HNRNPUL1: variants seen among roughly 807,000 people sequenced by gnomAD.
The protein encoded by HNRNPUL1 is heterogeneous nuclear ribonucleoprotein U-like protein 1.
Under a neutral mutation model 108.5 loss-of-function variants are expected in HNRNPUL1, and 14 were observed. That is an observed-to-expected ratio of 0.13 (90% CI 0.09 to 0.20). The LOEUF (loss-of-function observed/expected upper bound fraction) is 0.20. Among genes scored for constraint, HNRNPUL1 ranks in the 10% least tolerant of loss-of-function variants. The pLI is 1.00. For synonymous variants in HNRNPUL1, 422 were observed against 445.2 expected, an observed-to-expected ratio of 0.95 and a Z score of 0.66; for missense variants, 804 against 1,168.3, an observed-to-expected ratio of 0.69 and a Z score of 4.55.
At chr19:41,302,624 C>G in intron 11 of HNRNPUL1, 41 bp from the exon 12 acceptor site, 6 of 1,613,124 alleles carry the variant, frequency 3.7e-6, no homozygotes, top group Non-Finnish European at 4.2e-6. Flanking sequence ...AGGTACTGAC[C>G]TCTTCTTCTT....
chr19:41,263,295 C>T (rs566024730), upstream of HNRNPUL1, among the ~76,000 whole-genome samples: 3 of 152,190 alleles, frequency 2.0e-5, no homozygotes, highest in Admixed American at 6.5e-5. Flanking sequence ...AGCTCTGTGG[C>T]TTTTGTATTC....
chr19:41,294,763 C>A lies in HNRNPUL1; in HGVS notation c.1518+77C>A. 5.1e-6 allele frequency: 8 copies of A among 1,563,174 alleles called. No individual in the cohort carries two copies. In the Admixed American group the frequency reaches 1.3e-4, roughly 26 times the overall value. ...ATGCCTGAGAATCTCCCTCTGGTCC[C>A]TTTCTTTTTTCCCCCGTAATGATGA... On this transcript the variant is annotated intron_variant, in intron 10 of 14. Transcript: ENST00000392006. The surrounding 1 kb of genome is among the most constrained non-coding windows in gnomAD (Gnocchi z 4.3).
chr19:41,295,942 G>C (rs191290951), intron 10 of HNRNPUL1, among the ~76,000 whole-genome samples: 1 of 152,284 alleles, frequency 6.6e-6, no homozygotes, highest in South Asian at 2.1e-4. Flanking sequence ...TGTTCTCTCC[G>C]CTTTGAAGAT....
chr19:41,303,025 A>C lies in HNRNPUL1; in HGVS notation c.1972+76A>C. On this transcript the variant is annotated intron_variant, in intron 12 of 14. Transcript: ENST00000392006. ...CTGGGCTTTGACTGCTTATTCAATC[A>C]GCAACTGAAGTTTTCTGAGCTCCAG... The C allele has an allele frequency of 5.5e-6, 8 of 1,448,562 alleles. No individual in the cohort carries two copies. In the South Asian group the frequency reaches 1.2e-4, roughly 22 times the overall value. The allele number at this position is 1,448,562 out of a possible 1,614,324, so 89.7% of individuals were successfully genotyped here.
At chr19:41,305,972 T>G (rs2037521895) in intron 14 of HNRNPUL1, 105 bp downstream of exon 14, 1 of 791,070 alleles carries the variant, frequency 1.3e-6, no homozygotes, top group Non-Finnish European at 2.0e-6. Flanking sequence ...AAAGACAGCC[T>G]GCTGGCCTCG....
chr19:41,302,776 A>G lies in HNRNPUL1; in HGVS notation c.1799A>G (p.Lys600Arg). ...LVRQYNEEGR[K>R]AGPPPEKRFD... is the part of the protein sequence containing the mutation. ...AGGCAGTACAACGAGGAAGGCCGCA[A>G]GGCTGGGCCACCCCCTGAAAAGCGC... Residue 600 changes from lysine (K) to arginine (R), a missense_variant, in exon 12 of 15, where the codon AAG becomes AGG. Physicochemically the swap from Lys to Arg is conservative, Grantham distance 26. Transcript: ENST00000392006. 6.2e-7 allele frequency: 1 copy of G among 1,613,166 alleles called. No homozygotes were observed. The highest frequency in any genetic ancestry group is 8.5e-7 in the Non-Finnish European group (1 of 1,179,198).
intron 13 of HNRNPUL1, among the ~76,000 whole-genome samples, chr19:41,305,168 G>C (rs1026575408): frequency 6.6e-6 from 1 of 152,168 alleles, no homozygotes; most frequent in African/African-American, 2.4e-5. Context: ...AATGGGGCTA[G>C]TGGGACCTAC....
intron 1 of HNRNPUL1, chr19:41,265,394 G>A: frequency 3.3e-6 from 5 of 1,505,420 alleles, no homozygotes; most frequent in Non-Finnish European, 4.4e-6. Flanking sequence ...TGGCTGGGGA[G>A]GGTCCTAATG....
intron 7 of HNRNPUL1, among the ~76,000 whole-genome samples, chr19:41,282,850 C>T (rs1460408368): frequency 2.0e-5 from 3 of 151,222 alleles, no homozygotes; most frequent in Admixed American, 6.6e-5. Context: ...CCACTACGCC[C>T]GGCTAATTTT....
intron 13 of HNRNPUL1, among the ~76,000 whole-genome samples, chr19:41,305,064 G>A (rs980543217): frequency 7.2e-5 from 11 of 152,174 alleles, no homozygotes; most frequent in African/African-American, 2.7e-4. Context: ...AGGAATGGGT[G>A]GCACTATAGC....
chr19:41,269,445 A>G (rs1029317492), intron 2 of HNRNPUL1, among the ~76,000 whole-genome samples: 2 of 133,280 alleles, frequency 1.5e-5, no homozygotes, highest in African/African-American at 5.8e-5. Context: ...ACACTACTAC[A>G]CTCCAGCCTG....
intron 5 of HNRNPUL1, 125 bp from the exon 6 acceptor site, chr19:41,278,950 ACG>A (rs1185503169): frequency 6.9e-6 from 5 of 723,860 alleles, no homozygotes; most frequent in East Asian, 5.0e-5. Context: ...AGCTGCTTAA[ACG>A]CTTCTTCTCC....
intron 7 of HNRNPUL1, among the ~76,000 whole-genome samples, chr19:41,288,128 C>T (rs994123551): frequency 1.3e-5 from 2 of 148,404 alleles, no homozygotes; most frequent in East Asian, 2.0e-4. Flanking sequence ...CTTTAGACAC[C>T]CCCCCTCCCG....
intron 12 of HNRNPUL1, among the ~76,000 whole-genome samples, chr19:41,303,339 A>G (rs1438112144): frequency 6.7e-6 from 1 of 148,258 alleles, no homozygotes; most frequent in East Asian, 2.0e-4. Flanking sequence ...ACCAGTGCTT[A>G]GCTTCCTCTC....
intron 10 of HNRNPUL1, among the ~76,000 whole-genome samples, chr19:41,296,532 C>T (rs2036905725): frequency 6.6e-6 from 1 of 152,226 alleles, no homozygotes; most frequent in African/African-American, 2.4e-5. Context: ...AAGCCATAGG[C>T]TACTCAGGCT....
intron 6 of HNRNPUL1, among the ~76,000 whole-genome samples, chr19:41,280,497 G>A (rs1395532118): frequency 1.3e-5 from 2 of 152,130 alleles, no homozygotes; most frequent in Non-Finnish European, 2.9e-5. Flanking sequence ...TGTAGGTGGT[G>A]GCAGTTGATA....
At chr19:41,283,910 C>T (rs939314454) in intron 7 of HNRNPUL1, among the ~76,000 whole-genome samples, 5 of 152,172 alleles carry the variant, frequency 3.3e-5, no homozygotes, top group Non-Finnish European at 7.3e-5. Flanking sequence ...TAAAATTAAC[C>T]AGCGCATACT....
chr19:41,286,083 A>G (rs969578268), intron 7 of HNRNPUL1, among the ~76,000 whole-genome samples: 3 of 149,446 alleles, frequency 2.0e-5, no homozygotes, highest in Non-Finnish European at 3.0e-5. Context: ...TGAGGTGAGA[A>G]AAAAAAAAAA....
intron 11 of HNRNPUL1, 72 bp downstream of exon 11, chr19:41,301,776 G>C (rs2037225963): frequency 9.6e-6 from 13 of 1,351,410 alleles, no homozygotes; most frequent in Non-Finnish European, 1.3e-5. Context: ...TACTCAGTTT[G>C]TCCTTCCCTG....
Sources: gnomAD v4.1 joint callset for allele counts (sites outside exome capture counted in the v4.1 genomes callset) on GRCh38, gnomAD v4.1.1 for gene constraint, Gnocchi (gnomAD v3.1) non-coding constraint, MANE v1.5 for transcripts, NCBI Gene and HGNC (gene_info 2026-07-23, HGNC 2026-07-21) for gene names.